GRIK4: variants seen among roughly 807,000 people sequenced by gnomAD.
GRIK4 encodes glutamate receptor ionotropic, kainate 4.
Under a neutral mutation model 104.9 loss-of-function variants are expected in GRIK4, and 40 were observed. That is an observed-to-expected ratio of 0.38 (90% CI 0.30 to 0.50). GRIK4 has a LOEUF of 0.50. GRIK4 is among the 20% of genes least tolerant of loss of function. The pLI is 0.93. For synonymous variants in GRIK4, 485 were observed against 524.9 expected (o/e 0.92, Z 1.04); for missense variants, 1,047 against 1,308.1 (o/e 0.80, Z 3.08).
chr11:120,768,691 C>G (rs556157618), intron 3 of GRIK4, among the ~76,000 whole-genome samples: 1 of 152,250 alleles, frequency 6.6e-6, no homozygotes, highest in Non-Finnish European at 1.5e-5. Flanking sequence ...AATACATAGC[C>G]TTTATTGTAT....
At chr11:120,870,609 G>A (rs980392981) in intron 9 of GRIK4, 1 of 152,224 alleles carries the variant, frequency 6.6e-6, no homozygotes, top group African/African-American at 2.4e-5. Flanking sequence ...GCTGTGGAGA[G>A]GGGAGGAAGC....
At chr11:120,565,092 A>G (rs1948302956) in intron 1 of GRIK4, among the ~76,000 whole-genome samples, 1 of 152,120 alleles carries the variant, frequency 6.6e-6, no homozygotes, top group Admixed American at 6.5e-5. Context: ...GGGCCGAGGC[A>G]GTGATGCGGG....
At chr11:120,518,994 T>C (rs893333384) in intron 1 of GRIK4, among the ~76,000 whole-genome samples, 2 of 152,162 alleles carry the variant, frequency 1.3e-5, no homozygotes, top group African/African-American at 4.8e-5. Flanking sequence ...CTTCAACAAA[T>C]TGTTTGGTCC....
In GRIK4 at chr11:120,802,586, G is replaced by C. The variant is rs1319147167; in HGVS notation, c.83-107G>C. On this transcript the variant is annotated intron_variant, in intron 3 of 20. Coordinates refer to ENST00000527524, the MANE Select transcript of GRIK4 (RefSeq NM_014619.5). ...GCATGGCAGGATGGAGAGGAACTTG[G>C]GGTGCTGCCTGGAAGAGGAAGGTGG... 10 of 917,706 alleles carry C rather than the reference G, an allele frequency of 1.1e-5. No homozygotes were observed. In the South Asian group the frequency reaches 1.5e-4, roughly 14 times the overall value. The allele number at this position is 917,706 out of a possible 1,614,324, so 56.8% of individuals were successfully genotyped here.
At chr11:120,564,621 C>T (rs1177072081) in intron 1 of GRIK4, 1 of 152,454 alleles carries the variant, frequency 6.6e-6, no homozygotes, top group African/African-American at 2.4e-5. Flanking sequence ...CAGCCGCAGT[C>T]GTTCGGGCCT....
intron 3 of GRIK4, among the ~76,000 whole-genome samples, chr11:120,660,902 G>A (rs1286616365): frequency 1.3e-5 from 2 of 152,218 alleles, no homozygotes; most frequent in African/African-American, 4.8e-5. Context: ...GGCTCTGAGA[G>A]GGAGGGCAGG....
intron 4 of GRIK4, among the ~76,000 whole-genome samples, chr11:120,804,927 A>G (rs1453090432): frequency 6.6e-6 from 1 of 152,212 alleles, no homozygotes; most frequent in African/African-American, 2.4e-5. Flanking sequence ...GAACAGGGCC[A>G]TTGAGGCCAA....
intron 3 of GRIK4, among the ~76,000 whole-genome samples, chr11:120,759,783 C>G (rs564507226): frequency 2.6e-5 from 4 of 152,002 alleles, no homozygotes; most frequent in African/African-American, 9.7e-5. Context: ...ATATTTTAGG[C>G]TTTGTGGGCC....
chr11:120,810,656 A>C (rs1952810709), intron 4 of GRIK4, among the ~76,000 whole-genome samples: 1 of 152,254 alleles, frequency 6.6e-6, no homozygotes, highest in Middle Eastern at 3.2e-3. Flanking sequence ...TAAATAACAA[A>C]AATCCAATAA....
At chr11:120,593,640 C>T (rs1343027936) in intron 1 of GRIK4, among the ~76,000 whole-genome samples, 1 of 152,220 alleles carries the variant, frequency 6.6e-6, no homozygotes, top group African/African-American at 2.4e-5. Flanking sequence ...CCTATTGCCA[C>T]ACTTTCAATA....
intron 18 of GRIK4, among the ~76,000 whole-genome samples, chr11:120,963,733 G>A (rs567497227): frequency 3.3e-5 from 5 of 152,262 alleles, no homozygotes; most frequent in South Asian, 2.1e-4. Flanking sequence ...TAACGAGCAC[G>A]GGCTGGGAGT....
At chr11:120,866,983 T>A (rs879741028) in intron 9 of GRIK4, among the ~76,000 whole-genome samples, 1 of 152,122 alleles carries the variant, frequency 6.6e-6, no homozygotes, top group Non-Finnish European at 1.5e-5. Context: ...GTAGCCCTTT[T>A]GGACAAGTGG....
chr11:120,937,508 G>A (rs138880875), intron 13 of GRIK4, among the ~76,000 whole-genome samples: 6 of 152,186 alleles, frequency 3.9e-5, no homozygotes, highest in Admixed American at 2.6e-4. Flanking sequence ...ACCTTTCATG[G>A]CTTCTTTCAG....
intron 1 of GRIK4, among the ~76,000 whole-genome samples, chr11:120,632,428 A>G (rs940041316): frequency 1.3e-5 from 2 of 152,050 alleles, no homozygotes; most frequent in Non-Finnish European, 2.9e-5. Flanking sequence ...TTCTGCTTCC[A>G]TGCTCCGTGT....
intron 3 of GRIK4, among the ~76,000 whole-genome samples, chr11:120,688,498 G>A (rs1169981140): frequency 1.3e-5 from 2 of 152,206 alleles, no homozygotes; most frequent in Non-Finnish European, 2.9e-5. Context: ...ATGGATGGGA[G>A]TGTAACTGTG....
At chr11:120,870,256 C>G (rs1031888288) in intron 9 of GRIK4, 6 of 152,354 alleles carry the variant, frequency 3.9e-5, no homozygotes, top group African/African-American at 1.4e-4. Flanking sequence ...CAGTTTGGGA[C>G]AGGGAAGGAT....
rs200233611 is a variant in GRIK4 at position 120,862,072 on chromosome 11, C to A, written c.858C>A (p.Asn286Lys). Residue 286 changes from asparagine (N) to lysine (K), a missense_variant, in exon 9 of 21, where the codon AAC (asparagine) becomes AAA (lysine). Asn to Lys is a moderately conservative substitution (Grantham distance 94). Coordinates refer to ENST00000527524, the MANE Select transcript of GRIK4 (RefSeq NM_014619.5). ...AFFQEFAQSLNQSWQENCDHV... is the reference protein window; with the variant it reads ...AFFQEFAQSLKQSWQENCDHV... ...TCCAAGAGTTTGCCCAGAGCCTCAACCAGTCCTGGCAGGAGAACTGTGACC... is the reference window on the plus strand; with the variant it reads ...TCCAAGAGTTTGCCCAGAGCCTCAAACAGTCCTGGCAGGAGAACTGTGACC... 6.2e-7 allele frequency: 1 copy of A among 1,614,076 alleles called. No homozygotes were observed. Among genetic ancestry groups the A allele is most frequent in the Non-Finnish European group, 8.5e-7 (1 of 1,179,992 alleles).
intron 3 of GRIK4, among the ~76,000 whole-genome samples, chr11:120,696,868 C>T (rs999530209): frequency 1.3e-5 from 2 of 152,176 alleles, no homozygotes; most frequent in African/African-American, 2.4e-5. Context: ...GCTGTCAGAG[C>T]CCAGAACAGG....
At chr11:120,656,068 C>CT (rs1949706055) in intron 2 of GRIK4, among the ~76,000 whole-genome samples, 1 of 152,156 alleles carries the variant, frequency 6.6e-6, no homozygotes, top group Non-Finnish European at 1.5e-5. Flanking sequence ...ACCTGGTGCT[C>CT]TAACTTCAGG....
Sources: gnomAD v4.1 joint callset for allele counts (sites outside exome capture counted in the v4.1 genomes callset) on GRCh38, gnomAD v4.1.1 for gene constraint, MANE v1.5 for transcripts, NCBI Gene and HGNC (gene_info 2026-07-23, HGNC 2026-07-21) for gene names.